Variants in LINGO1 observed in about 807,000 individuals in gnomAD.
LINGO1 encodes leucine rich repeat and Ig domain containing 1.
A neutral mutation model predicts 37.3 loss-of-function variants in LINGO1; 11 were observed. The observed-to-expected ratio is 0.29, with a 90% CI of 0.19 to 0.49. The LOEUF (loss-of-function observed/expected upper bound fraction) is 0.49, where lower values mean the gene tolerates loss of function less well. Among genes scored for constraint, LINGO1 ranks in the 20% least tolerant of loss-of-function variants. LINGO1 has a pLI of 0.99. For missense variants in LINGO1, 585 were observed against 878.2 expected (o/e 0.67, Z 4.22); for synonymous variants, 387 against 403.0 (o/e 0.96, Z 0.48).
At position 77,615,905 on chromosome 15, in the gene LINGO1, A is replaced by G; in HGVS notation, c.7-5T>C. ...CGCCAGCATCCTCTTGCTCACCTGCAGCCGGGAGCAAGCACAGGACAGAGG... is the reference window on the plus strand; with the variant it reads ...CGCCAGCATCCTCTTGCTCACCTGCGGCCGGGAGCAAGCACAGGACAGAGG... On this transcript the variant is annotated splice_polypyrimidine_tract_variant and splice_region_variant and intron_variant, in intron 1 of 1. Transcript: ENST00000355300. The G allele has an allele frequency of 1.4e-6, 2 of 1,462,492 alleles. 1 individual carries two copies. Among genetic ancestry groups the G allele is most frequent in the South Asian group, 2.9e-5 (2 of 70,146 alleles). The allele number at this position is 1,462,492 out of a possible 1,614,324, so 90.6% of individuals were successfully genotyped here. A position where few individuals can be genotyped will look rare whatever the true frequency, so the allele number is the denominator to read the frequency against.
At chr15:77,772,535 G>A (rs2076596150) in intron 1 of LINGO1, among the ~76,000 whole-genome samples, 2 of 152,092 alleles carry the variant, frequency 1.3e-5, no homozygotes, top group South Asian at 4.1e-4. Flanking sequence ...CTGACACCTT[G>A]GCTTCCGCTG....
intron 2 of LINGO1, among the ~76,000 whole-genome samples, chr15:77,704,363 G>A (rs1244420220): frequency 1.3e-5 from 2 of 152,046 alleles, no homozygotes; most frequent in African/African-American, 4.8e-5. Context: ...ATTAAGCCCC[G>A]ACGCTGGTCA....
At chr15:77,619,182 G>C (rs1349188280) in intron 1 of LINGO1, among the ~76,000 whole-genome samples, 1 of 152,132 alleles carries the variant, frequency 6.6e-6, no homozygotes, top group Non-Finnish European at 1.5e-5. Flanking sequence ...TGTCTCACCT[G>C]CTAGAGAGTG....
At chr15:77,656,195 G>A (rs2074861326) in intron 3 of LINGO1, among the ~76,000 whole-genome samples, 1 of 152,152 alleles carries the variant, frequency 6.6e-6, no homozygotes, top group Non-Finnish European at 1.5e-5. Context: ...CCAAGGCCTG[G>A]ACAACGAATC....
intron 1 of LINGO1, among the ~76,000 whole-genome samples, chr15:77,763,496 C>T (rs117637710): frequency 0.023 from 3,434 of 152,250 alleles, 66 homozygotes; most frequent in South Asian, 0.039. Context: ...CCCTCTACCA[C>T]CACTGCAGGC....
chr15:77,688,705 T>C (rs973778753), intron 2 of LINGO1, among the ~76,000 whole-genome samples: 6 of 152,086 alleles, frequency 3.9e-5, no homozygotes, highest in African/African-American at 1.4e-4. Context: ...TCCAAAAGAA[T>C]TGGAGGCTGC....
chr15:77,714,622 C>T (rs2075961058), intron 2 of LINGO1, among the ~76,000 whole-genome samples: 1 of 152,226 alleles, frequency 6.6e-6, no homozygotes. Context: ...CTCTGTTTGC[C>T]CCAATGGCAT....
chr15:77,664,170 T>TGCGCGCGCGCGCGCGC (rs143405934), intron 3 of LINGO1, among the ~76,000 whole-genome samples: 6 of 130,932 alleles, frequency 4.6e-5, no homozygotes, highest in African/African-American at 2.2e-4. Flanking sequence ...TGTGTGTGTG[T>TGCGCGCGCGCGCGCGC]GCGCGCGCGC....
intron 3 of LINGO1, among the ~76,000 whole-genome samples, chr15:77,658,379 T>C (rs1003778959): frequency 6.6e-6 from 1 of 152,206 alleles, no homozygotes; most frequent in Non-Finnish European, 1.5e-5. Context: ...GTGTACACAC[T>C]TCACCCATTC....
At chr15:77,689,124 G>A (rs1221947598) in intron 2 of LINGO1, among the ~76,000 whole-genome samples, 3 of 152,196 alleles carry the variant, frequency 2.0e-5, no homozygotes, top group Non-Finnish European at 1.5e-5. Flanking sequence ...TAGGCAACAG[G>A]AACCGCAGGT....
intron 1 of LINGO1, among the ~76,000 whole-genome samples, chr15:77,772,583 G>C (rs1355992588): frequency 2.0e-5 from 3 of 152,126 alleles, no homozygotes; most frequent in Non-Finnish European, 2.9e-5. Flanking sequence ...TGGGGGCTGG[G>C]GTGGGGGGTC....
intron 3 of LINGO1, among the ~76,000 whole-genome samples, chr15:77,659,537 G>C (rs1284579806): frequency 6.6e-6 from 1 of 152,216 alleles, no homozygotes; most frequent in African/African-American, 2.4e-5. Context: ...GAGGCTCAGA[G>C]AGGGCATGTA....
intron 2 of LINGO1, among the ~76,000 whole-genome samples, chr15:77,702,536 T>C (rs140017503): frequency 1.5e-3 from 225 of 152,256 alleles, no homozygotes; most frequent in African/African-American, 5.2e-3. Context: ...CAGCACAACA[T>C]GCCATGGCCT....
In LINGO1 at chr15:77,615,579, C is replaced by T; in HGVS notation, c.328G>A (p.Val110Met). Residue 110 changes from valine (V) to methionine (M), a missense_variant, in exon 2 of 2, where the codon GTG becomes ATG. By Grantham distance (21) the Val-to-Met change is conservative. This residue lies in a region of LINGO1 where 484 missense variants were observed against 735.0 expected (regional missense o/e 0.66). Transcript: ENST00000355300. ...AGGTTGTTGAAGGCGCCGGGCTCCA[C>T]GGCGCTCACGATGTTCTCGTTGAGC... ...LELNENIVSAVEPGAFNNLFN... is the reference protein window; with the variant it reads ...LELNENIVSAMEPGAFNNLFN... 3.1e-6 allele frequency: 5 copies of T among 1,611,224 alleles called. No homozygotes were observed. The highest frequency in any genetic ancestry group is 4.2e-6 in the Non-Finnish European group (5 of 1,178,648).
Position 77,613,971 on chromosome 15 carries a change from G to A in LINGO1, c.*73C>T. Reference sequence around the variant, plus strand: ...GGTAGGGAGGAGGTGGGAAGGACTGGAGAGTGAGCAGGTGGCGGCCAGGCC... The same window carrying A: ...GGTAGGGAGGAGGTGGGAAGGACTGAAGAGTGAGCAGGTGGCGGCCAGGCC... On this transcript the variant is annotated 3_prime_UTR_variant, in exon 2 of 2. Transcript: ENST00000355300. 1.6e-6 allele frequency: 2 copies of A among 1,224,024 alleles called. No individual in the cohort carries two copies. The highest frequency in any genetic ancestry group is 2.5e-5 in the East Asian group (1 of 39,264). The allele number at this position is 1,224,024 out of a possible 1,614,324, so 75.8% of individuals were successfully genotyped here.
intron 1 of LINGO1, among the ~76,000 whole-genome samples, chr15:77,623,014 G>A (rs1327614363): frequency 6.6e-6 from 1 of 152,158 alleles, no homozygotes; most frequent in Non-Finnish European, 1.5e-5. Flanking sequence ...AGCCTCCGAA[G>A]TGGGACCGGG....
At chr15:77,663,925 G>A (rs2141178717) in intron 3 of LINGO1, among the ~76,000 whole-genome samples, 1 of 152,306 alleles carries the variant, frequency 6.6e-6, no homozygotes, top group South Asian at 2.1e-4. Flanking sequence ...CCCAGGGAGG[G>A]GCTAAGCAGG....
chr15:77,668,468 C>A (rs758713973), intron 3 of LINGO1, among the ~76,000 whole-genome samples: 1 of 152,218 alleles, frequency 6.6e-6, no homozygotes, highest in Non-Finnish European at 1.5e-5. Context: ...GCTGAACTGT[C>A]ACGCAGGGCA....
intron 3 of LINGO1, among the ~76,000 whole-genome samples, chr15:77,649,821 T>C (rs1370829809): frequency 6.6e-6 from 1 of 152,034 alleles, no homozygotes; most frequent in Non-Finnish European, 1.5e-5. Flanking sequence ...GGGCAGGTGA[T>C]AGCCACCAAG....
Sources: gnomAD v4.1 joint callset for allele counts (sites outside exome capture counted in the v4.1 genomes callset) on GRCh38, gnomAD v4.1.1 for gene constraint, gnomAD v4.1.1 regional missense constraint, MANE v1.5 for transcripts, NCBI Gene and HGNC (gene_info 2026-07-23, HGNC 2026-07-21) for gene names.